Variants in ZMYM1 observed in about 807,000 individuals in gnomAD.
The protein encoded by ZMYM1 is zinc finger MYM-type containing 1, also known as zinc finger MYM-type protein 1.
ZMYM1 carries 39 observed loss-of-function variants against 60.0 expected under a neutral mutation model. The ratio of observed to expected loss-of-function variants is 0.65; its 90% CI spans 0.50 to 0.85. The LOEUF is 0.85. ZMYM1 is among the 40% of genes least tolerant of loss of function. ZMYM1 has a pLI of 0.00. For missense variants in ZMYM1, 1,171 were observed against 1,309.5 expected (o/e 0.89, Z 1.63); for synonymous variants, 413 against 454.0 (o/e 0.91, Z 1.15).
chr1:35,112,914 T>C (rs1202919480), intron 9 of ZMYM1, 63 bp from the exon 10 acceptor site: 3 of 1,363,096 alleles, frequency 2.2e-6, no homozygotes, highest in Non-Finnish European at 9.6e-7. Flanking sequence ...AGAGTAGATA[T>C]ATTTGATATT....
chr1:35,070,514 AT>A (rs1381206391), intron 1 of ZMYM1, among the ~76,000 whole-genome samples: 1 of 152,164 alleles, frequency 6.6e-6, no homozygotes, highest in Non-Finnish European at 1.5e-5. Flanking sequence ...ATATAAGATT[AT>A]GTTGTTTAAA....
upstream of ZMYM1, among the ~76,000 whole-genome samples, chr1:35,078,335 G>A (rs1240115951): frequency 6.6e-6 from 1 of 151,968 alleles, no homozygotes; most frequent in Non-Finnish European, 1.5e-5. Context: ...TTAGATTTTT[G>A]AGAATATCTC....
At chr1:35,111,701 A>G in intron 7 of ZMYM1, 71 bp from the exon 8 acceptor site, 3 of 1,374,190 alleles carry the variant, frequency 2.2e-6, no homozygotes, top group Non-Finnish European at 2.9e-6. Flanking sequence ...TTCTTTAAAC[A>G]GTATTACTAA....
intron 1 of ZMYM1, among the ~76,000 whole-genome samples, chr1:35,062,758 C>T (rs954887710): frequency 2.0e-5 from 3 of 152,156 alleles, no homozygotes; most frequent in South Asian, 2.1e-4. Context: ...GCTTACAAAA[C>T]GATGAGAAGC....
chr1:35,080,317 T>C (rs985137182), intron 1 of ZMYM1, among the ~76,000 whole-genome samples: 3 of 143,552 alleles, frequency 2.1e-5, no homozygotes, highest in Middle Eastern at 3.2e-3. Flanking sequence ...TGTGCTTCTT[T>C]TTTTTTTTTT....
chr1:35,091,920 C>CTTGGTTT (rs1314375235), intron 1 of ZMYM1, among the ~76,000 whole-genome samples: 1 of 140,672 alleles, frequency 7.1e-6, no homozygotes, highest in African/African-American at 2.6e-5. Flanking sequence ...GAGAAAAAGA[C>CTTGGTTT]TTGGTTTTTG....
intron 1 of ZMYM1, among the ~76,000 whole-genome samples, chr1:35,068,747 T>G (rs1642020353): frequency 6.6e-6 from 1 of 151,660 alleles, no homozygotes; most frequent in Non-Finnish European, 1.5e-5. Flanking sequence ...AACTATAAAA[T>G]TTTTGGAATA....
upstream of ZMYM1, among the ~76,000 whole-genome samples, chr1:35,075,662 C>A (rs1642154149): frequency 6.6e-6 from 1 of 152,122 alleles, no homozygotes; most frequent in Non-Finnish European, 1.5e-5. Flanking sequence ...TTAACCCTAG[C>A]AAAAACCACA....
chr1:35,071,027 G>A (rs1557624270), intron 1 of ZMYM1, among the ~76,000 whole-genome samples: 1 of 151,892 alleles, frequency 6.6e-6, no homozygotes, highest in Non-Finnish European at 1.5e-5. Flanking sequence ...TGAGATTACA[G>A]GTGTGCGCCA....
intron 4 of ZMYM1, among the ~76,000 whole-genome samples, chr1:35,102,030 GT>G (rs1275670152): frequency 1.3e-5 from 2 of 152,030 alleles, no homozygotes; most frequent in African/African-American, 4.8e-5. Flanking sequence ...GATAAGTATT[GT>G]TTTATCAGTT....
chr1:35,107,669 C>T (rs895154159), intron 6 of ZMYM1, among the ~76,000 whole-genome samples: 3 of 151,878 alleles, frequency 2.0e-5, no homozygotes, highest in African/African-American at 4.8e-5. Flanking sequence ...AGAAAAATGT[C>T]CAAATATGTG....
upstream of ZMYM1, among the ~76,000 whole-genome samples, chr1:35,076,956 GAAAAGA>G (rs1642179045): frequency 6.7e-6 from 1 of 148,904 alleles, no homozygotes; most frequent in Non-Finnish European, 1.5e-5. Context: ...AAAAAGAAAA[GAAAAGA>G]AAAAGAATGA....
chr1:35,084,832 C>T (rs1158682340), intron 1 of ZMYM1, among the ~76,000 whole-genome samples: 2 of 152,022 alleles, frequency 1.3e-5, no homozygotes, highest in African/African-American at 4.8e-5. Flanking sequence ...GTAGTTCCCT[C>T]CTCTCCCAGA....
chr1:35,114,025 A>T lies in ZMYM1; in HGVS notation c.2195A>T (p.Glu732Val). Residue 732 changes from glutamate to valine, a missense_variant, in exon 10 of 10, where the codon GAA becomes GTA. Physicochemically the swap from Glu to Val is moderately radical, Grantham distance 121. Coordinates refer to ENST00000359858, the MANE Select transcript of ZMYM1 (RefSeq NM_024772.5). ...ATAAAATTTAATAAAATAGCAGCAG[A>T]ATTCAAGAAAGAAGAACCAAGAGCT... The part of the protein sequence containing the change: ...LKIKFNKIAA[E>V]FKKEEPRALY... 1 of 1,605,960 alleles carries T rather than the reference A, an allele frequency of 6.2e-7. No individual in the cohort carries two copies.
At position 35,079,412 on chromosome 1, in the gene ZMYM1, G is replaced by C. The variant is rs542985559; in HGVS notation, c.-105G>C. ...TTTCGCTTCGAAGATTGTTTCAGAAGCGTTGGGCGGGGCGTCCCTGAGAGA... is the reference window on the plus strand; with the variant it reads ...TTTCGCTTCGAAGATTGTTTCAGAACCGTTGGGCGGGGCGTCCCTGAGAGA... On this transcript the variant is annotated 5_prime_UTR_variant, in exon 1 of 10. Coordinates refer to ENST00000359858, the MANE Select transcript of ZMYM1 (RefSeq NM_024772.5). 3 of 176 alleles carry C rather than the reference G, an allele frequency of 0.017. No homozygotes were observed. Among genetic ancestry groups the C allele is most frequent in the African/African-American group, 0.05 (1 of 20 alleles). The allele number at this position is 176 out of a possible 1,614,324, so 0.0% of individuals were successfully genotyped here.
At chr1:35,081,180 G>A (rs914452585) in intron 1 of ZMYM1, among the ~76,000 whole-genome samples, 4 of 152,142 alleles carry the variant, frequency 2.6e-5, no homozygotes, top group Non-Finnish European at 5.9e-5. Context: ...CCCTCTCAAA[G>A]TGCTGGGATT....
intron 1 of ZMYM1, among the ~76,000 whole-genome samples, chr1:35,060,912 C>T (rs979708401): frequency 1.3e-5 from 2 of 152,212 alleles, no homozygotes; most frequent in African/African-American, 4.8e-5. Flanking sequence ...AGAGAGCTCA[C>T]AGGACAGTAT....
At chr1:35,070,638 T>C (rs1642049879) in intron 1 of ZMYM1, among the ~76,000 whole-genome samples, 1 of 152,198 alleles carries the variant, frequency 6.6e-6, no homozygotes, top group African/African-American at 2.4e-5. Flanking sequence ...CTTCCAGTAC[T>C]ATGATGAATA....
chr1:35,073,373 G>A (rs150629503), intron 1 of ZMYM1, among the ~76,000 whole-genome samples: 53 of 144,762 alleles, frequency 3.7e-4, no homozygotes, highest in African/African-American at 1.3e-3. Flanking sequence ...AAGGAAGGAA[G>A]GAAAGAAAGG....
Sources: allele counts gnomAD v4.1 joint callset (sites outside exome capture counted in the v4.1 genomes callset), GRCh38; gene constraint gnomAD v4.1.1; transcripts MANE v1.5; gene names NCBI Gene and HGNC (gene_info 2026-07-23, HGNC 2026-07-21).